Variants in PRKCE observed in about 807,000 individuals in gnomAD.
The protein encoded by PRKCE is protein kinase C epsilon.
In PRKCE, 16 loss-of-function variants were observed where a neutral mutation model predicts 85.4. The ratio of observed to expected loss-of-function variants is 0.19; its 90% CI spans 0.13 to 0.28. The LOEUF (loss-of-function observed/expected upper bound fraction) is 0.28, where lower values mean the gene tolerates loss of function less well. Among genes scored for constraint, PRKCE ranks in the 10% least tolerant of loss-of-function variants. The pLI, the probability that PRKCE is intolerant of heterozygous loss-of-function variation, is 1.00. For synonymous variants in PRKCE, 388 were observed against 371.5 expected, an observed-to-expected ratio of 1.04 and a Z score of -0.51; for missense variants, 573 against 975.2, an observed-to-expected ratio of 0.59 and a Z score of 5.49.
At chr2:45,912,310 G>A (rs1044007870) in intron 2 of PRKCE, among the ~76,000 whole-genome samples, 4 of 152,136 alleles carry the variant, frequency 2.6e-5, no homozygotes, top group African/African-American at 9.7e-5. Flanking sequence ...ATAGATAGAG[G>A]GCCCCAGGAT....
chr2:46,035,582 G>C (rs1707807967), intron 10 of PRKCE, among the ~76,000 whole-genome samples: 1 of 152,218 alleles, frequency 6.6e-6, no homozygotes, highest in Non-Finnish European at 1.5e-5. Context: ...CTCAGCTCAA[G>C]GAGGGAATAA....
At chr2:45,716,698 G>GAAAAA in intron 1 of PRKCE, among the ~76,000 whole-genome samples, 1 of 109,112 alleles carries the variant, frequency 9.2e-6, no homozygotes, top group Non-Finnish European at 2.0e-5. Context: ...AGAGAAGGAA[G>GAAAAA]GAAGGAAGGA....
At chr2:46,162,969 A>G (rs1558518328) in intron 14 of PRKCE, among the ~76,000 whole-genome samples, 1 of 152,252 alleles carries the variant, frequency 6.6e-6, no homozygotes, top group African/African-American at 2.4e-5. Flanking sequence ...AATAAAGCCC[A>G]AGGATTAAAG....
intron 1 of PRKCE, among the ~76,000 whole-genome samples, chr2:45,806,770 C>T (rs1309308482): frequency 6.6e-6 from 1 of 152,092 alleles, no homozygotes; most frequent in Non-Finnish European, 1.5e-5. Flanking sequence ...TGAGGGAGGA[C>T]CCCGGGGTGG....
intron 12 of PRKCE, among the ~76,000 whole-genome samples, chr2:46,147,622 T>G (rs1299488697): frequency 6.6e-6 from 1 of 152,216 alleles, no homozygotes; most frequent in Non-Finnish European, 1.5e-5. Context: ...CAATCCCTGG[T>G]CTTGCTGTAG....
At chr2:46,029,078 G>A (rs1389347436) in intron 10 of PRKCE, among the ~76,000 whole-genome samples, 2 of 152,150 alleles carry the variant, frequency 1.3e-5, no homozygotes, top group Non-Finnish European at 2.9e-5. Flanking sequence ...CATTTAGGTT[G>A]ATTCCACGTC....
intron 10 of PRKCE, among the ~76,000 whole-genome samples, chr2:46,018,710 A>G (rs2104857136): frequency 6.6e-6 from 1 of 152,352 alleles, no homozygotes; most frequent in South Asian, 2.1e-4. Context: ...AGTTTTAGAA[A>G]AGTACATGTC....
intron 2 of PRKCE, among the ~76,000 whole-genome samples, chr2:45,850,069 C>T (rs2105546085): frequency 6.6e-6 from 1 of 152,340 alleles, no homozygotes; most frequent in East Asian, 1.9e-4. Context: ...AGATGCACAG[C>T]AGTGCCTCTG....
At chr2:45,826,351 T>C (rs1689942334) in intron 1 of PRKCE, among the ~76,000 whole-genome samples, 1 of 152,228 alleles carries the variant, frequency 6.6e-6, no homozygotes, top group African/African-American at 2.4e-5. Context: ...CTGGGGCAGG[T>C]CTTTGTGATC....
chr2:46,021,632 A>C (rs919608946), intron 10 of PRKCE, among the ~76,000 whole-genome samples: 2 of 152,208 alleles, frequency 1.3e-5, no homozygotes, highest in South Asian at 2.1e-4. Context: ...TGATCTACAC[A>C]TTTCTAAGGT....
chr2:46,033,843 G>C (rs1707693059), intron 10 of PRKCE, among the ~76,000 whole-genome samples: 1 of 152,190 alleles, frequency 6.6e-6, no homozygotes, highest in African/African-American at 2.4e-5. Context: ...CCTGAGCCTG[G>C]AGGACTGTAG....
intron 1 of PRKCE, among the ~76,000 whole-genome samples, chr2:45,691,819 C>T (rs1414643804): frequency 6.6e-6 from 1 of 152,194 alleles, no homozygotes; most frequent in Non-Finnish European, 1.5e-5. Context: ...TAGCGGACAC[C>T]TGCAGGCCCA....
intron 2 of PRKCE, among the ~76,000 whole-genome samples, chr2:45,921,228 A>G (rs1190477127): frequency 6.6e-6 from 1 of 152,262 alleles, no homozygotes; most frequent in Non-Finnish European, 1.5e-5. Context: ...GAATTCCTAA[A>G]GTTCTTGGGA....
At chr2:46,065,979 G>T (rs547774659) in intron 10 of PRKCE, among the ~76,000 whole-genome samples, 1 of 152,204 alleles carries the variant, frequency 6.6e-6, no homozygotes, top group Non-Finnish European at 1.5e-5. Context: ...GACTGTATTG[G>T]TCCCCGACCA....
At chr2:45,766,837 C>T (rs776629885) in intron 1 of PRKCE, among the ~76,000 whole-genome samples, 20 of 152,228 alleles carry the variant, frequency 1.3e-4, no homozygotes, top group Non-Finnish European at 1.8e-4. Flanking sequence ...CTCAGGGGTT[C>T]GAGACCAGCC....
intron 6 of PRKCE, chr2:46,000,757 A>G (rs1322005814): frequency 1.3e-5 from 2 of 152,198 alleles, no homozygotes; most frequent in African/African-American, 2.4e-5. Flanking sequence ...TGTTGGTTAC[A>G]GTTACAGTTT....
At chr2:45,885,977 C>T (rs771567566) in intron 2 of PRKCE, among the ~76,000 whole-genome samples, 5 of 152,164 alleles carry the variant, frequency 3.3e-5, no homozygotes, top group Non-Finnish European at 4.4e-5. Context: ...GAATGTTAGA[C>T]CCACACCTCC....
intron 2 of PRKCE, among the ~76,000 whole-genome samples, chr2:45,878,787 T>G (rs1694664535): frequency 2.0e-5 from 3 of 152,244 alleles, no homozygotes; most frequent in Admixed American, 2.0e-4. Context: ...GAAATATGTT[T>G]AGCTTTAAAA....
chr2:45,913,674 C>T (rs922908108), intron 2 of PRKCE, among the ~76,000 whole-genome samples: 3 of 152,226 alleles, frequency 2.0e-5, no homozygotes, highest in South Asian at 2.1e-4. Flanking sequence ...GTTTTTCTGT[C>T]TATCCATGCA....
Sources: allele counts gnomAD v4.1 joint callset (sites outside exome capture counted in the v4.1 genomes callset), GRCh38; gene constraint gnomAD v4.1.1; transcripts MANE v1.5; gene names NCBI Gene and HGNC (gene_info 2026-07-23, HGNC 2026-07-21).